Variants in GRM7 observed in about 807,000 individuals in gnomAD.
GRM7 encodes the protein metabotropic glutamate receptor 7.
Under a neutral mutation model 84.5 loss-of-function variants are expected in GRM7, and 35 were observed. The ratio of observed to expected loss-of-function variants is 0.41; its 90% confidence interval spans 0.32 to 0.55. The LOEUF (loss-of-function observed/expected upper bound fraction) is 0.55, where lower values mean the gene tolerates loss of function less well. Ranked by LOEUF, GRM7 falls within the 20% of genes least tolerant of loss-of-function variation. The pLI is 0.19. For missense variants in GRM7, 1,003 were observed against 1,194.6 expected, an observed-to-expected ratio of 0.84 and a Z score of 2.36; for synonymous variants, 487 against 455.1, an observed-to-expected ratio of 1.07 and a Z score of -0.89.
chr3:7,732,898 G>T, intron 9 of GRM7, among the ~76,000 whole-genome samples: 1 of 152,308 alleles, frequency 6.6e-6, no homozygotes, highest in East Asian at 1.9e-4. Context: ...CCCAAGGGCC[G>T]CTGGTTGCCC....
At chr3:7,034,246 T>C (rs1396095413) in intron 1 of GRM7, among the ~76,000 whole-genome samples, 3 of 152,130 alleles carry the variant, frequency 2.0e-5, no homozygotes, top group African/African-American at 7.2e-5. Flanking sequence ...AAAAACAGCT[T>C]TTCTGATCTC....
At chr3:7,658,823 C>T (rs1699312249) in intron 8 of GRM7, among the ~76,000 whole-genome samples, 1 of 152,112 alleles carries the variant, frequency 6.6e-6, no homozygotes, top group Admixed American at 6.5e-5. Flanking sequence ...AACAATTTTC[C>T]ACCCATTTCT....
intron 7 of GRM7, among the ~76,000 whole-genome samples, chr3:7,472,211 C>G (rs1239803510): frequency 6.6e-6 from 1 of 152,158 alleles, no homozygotes; most frequent in East Asian, 1.9e-4. Context: ...CATGCCCAGT[C>G]TTGATTTTTC....
intron 7 of GRM7, among the ~76,000 whole-genome samples, chr3:7,471,361 G>A (rs144907050): frequency 3.3e-5 from 5 of 152,168 alleles, no homozygotes; most frequent in African/African-American, 7.2e-5. Context: ...CTTTTCTTAG[G>A]GAGAATCTAT....
At chr3:7,293,633 C>T (rs7631494) in intron 2 of GRM7, among the ~76,000 whole-genome samples, 22,845 of 152,136 alleles carry the variant, frequency 0.15, 5,069 homozygotes, top group African/African-American at 0.49. Flanking sequence ...TTAGATTTTC[C>T]GTGTGTCAGA....
chr3:7,719,779 AACACACACACACACACAC>A lies in GRM7; in HGVS notation c.2699-20548_2699-20531del, dbSNP rs71043692. ...GTGAGCCAAGATTGCACCACTGGGC[AACACACACACACACACAC>A]ACACACACACACACACACACACACA... is the stretch of plus-strand genomic sequence containing the variant. On this transcript the variant is annotated intron_variant, in intron 9 of 9. Coordinates refer to ENST00000357716, the MANE Select transcript of GRM7 (RefSeq NM_000844.4). Among the ~76,000 whole-genome samples the A allele has an allele frequency of 4.6e-3, 614 of 133,542 alleles. 4 individuals carry two copies. Among genetic ancestry groups the A allele is most frequent in the African/African-American group, 0.015 (555 of 35,874 alleles). The allele number at this position is 133,542 out of a possible 152,430, so 87.6% of individuals were successfully genotyped here.
chr3:7,713,795 C>CTT (rs60007117), intron 9 of GRM7, among the ~76,000 whole-genome samples: 26 of 64,752 alleles, frequency 4.0e-4, no homozygotes, highest in African/African-American at 1.1e-3. Context: ...CGGATGCTTT[C>CTT]TTTTTTTTTT....
chr3:7,621,339 G>T (rs1054203422), intron 8 of GRM7, among the ~76,000 whole-genome samples: 4 of 152,114 alleles, frequency 2.6e-5, no homozygotes, highest in Non-Finnish European at 5.9e-5. Flanking sequence ...GATGAAGCCA[G>T]TGGTTTCCAT....
At chr3:7,060,330 T>TCCA (rs1697391877) in intron 1 of GRM7, among the ~76,000 whole-genome samples, 2 of 151,818 alleles carry the variant, frequency 1.3e-5, no homozygotes, top group South Asian at 4.1e-4. Flanking sequence ...ATTCATAGCC[T>TCCA]CCACCACCAC....
intron 1 of GRM7, among the ~76,000 whole-genome samples, chr3:7,078,673 T>A (rs1698175127): frequency 6.6e-6 from 1 of 152,170 alleles, no homozygotes; most frequent in African/African-American, 2.4e-5. Context: ...ATAGGATTTA[T>A]TCATGGAGTG....
At chr3:7,407,706 T>C (rs1207310621) in intron 4 of GRM7, among the ~76,000 whole-genome samples, 1 of 152,186 alleles carries the variant, frequency 6.6e-6, no homozygotes, top group African/African-American at 2.4e-5. Flanking sequence ...TATAGTTTGA[T>C]AGCAAAACAA....
chr3:7,558,886 GA>G (rs1179026880), intron 7 of GRM7, among the ~76,000 whole-genome samples: 2 of 152,106 alleles, frequency 1.3e-5, no homozygotes, highest in African/African-American at 4.8e-5. Context: ...CAGTTCTCAA[GA>G]ATTGTGTTCA....
intron 1 of GRM7, among the ~76,000 whole-genome samples, chr3:7,020,124 G>C (rs548382557): frequency 6.6e-6 from 1 of 152,258 alleles, no homozygotes; most frequent in Non-Finnish European, 1.5e-5. Context: ...TGGGATTACA[G>C]GCATGAGCCA....
intron 8 of GRM7, among the ~76,000 whole-genome samples, chr3:7,660,579 A>G (rs1355405911): frequency 6.6e-6 from 1 of 152,212 alleles, no homozygotes; most frequent in Non-Finnish European, 1.5e-5. Context: ...CAATTCTCCA[A>G]ATTATAATAT....
chr3:7,397,259 CAACTT>C (rs1405662029), intron 4 of GRM7, among the ~76,000 whole-genome samples: 1 of 152,062 alleles, frequency 6.6e-6, no homozygotes, highest in Non-Finnish European at 1.5e-5. Flanking sequence ...TACTCATACA[CAACTT>C]AAGGAACAGT....
intron 1 of GRM7, among the ~76,000 whole-genome samples, chr3:6,971,325 C>A (rs917820269): frequency 6.6e-6 from 1 of 152,138 alleles, no homozygotes; most frequent in African/African-American, 2.4e-5. Flanking sequence ...TATTTTGAAA[C>A]AATTACAACC....
chr3:7,046,726 T>C (rs1409159722), intron 1 of GRM7, among the ~76,000 whole-genome samples: 1 of 152,022 alleles, frequency 6.6e-6, no homozygotes, highest in African/African-American at 2.4e-5. Context: ...AGAAGGACAA[T>C]GGATGCATTT....
chr3:7,465,439 A>G (rs1698423842), intron 7 of GRM7, among the ~76,000 whole-genome samples: 1 of 151,978 alleles, frequency 6.6e-6, no homozygotes, highest in South Asian at 2.1e-4. Flanking sequence ...AAGAAAATAA[A>G]AGTTAAGTAG....
At chr3:7,178,169 T>G (rs892799411) in intron 2 of GRM7, among the ~76,000 whole-genome samples, 1 of 152,228 alleles carries the variant, frequency 6.6e-6, no homozygotes, top group Admixed American at 6.5e-5. Context: ...ATATCATGGC[T>G]TCAGAAAGTC....
Sources: gnomAD v4.1 joint callset for allele counts (sites outside exome capture counted in the v4.1 genomes callset) on GRCh38, gnomAD v4.1.1 for gene constraint, MANE v1.5 for transcripts, NCBI Gene and HGNC (gene_info 2026-07-23, HGNC 2026-07-21) for gene names.